ACOT7: variants seen among roughly 807,000 people sequenced by gnomAD.
ACOT7 encodes the protein cytosolic acyl coenzyme A thioester hydrolase.
In ACOT7, 12 loss-of-function variants were observed where a neutral mutation model predicts 40.2. The ratio of observed to expected loss-of-function variants is 0.30; its 90% confidence interval spans 0.19 to 0.48. The LOEUF (loss-of-function observed/expected upper bound fraction) is 0.48, where lower values mean the gene tolerates loss of function less well. ACOT7 is among the 20% of genes least tolerant of loss of function. The probability of loss-of-function intolerance (pLI) is 0.99; values close to 1 mark genes in which losing one functional copy is unlikely to be tolerated. For missense variants in ACOT7, 395 were observed against 530.8 expected, an observed-to-expected ratio of 0.74 and a Z score of 2.51; for synonymous variants, 228 against 219.5, an observed-to-expected ratio of 1.04 and a Z score of -0.34.
chr1:6,345,839 G>A (rs1401770896), intron 2 of ACOT7, among the ~76,000 whole-genome samples: 1 of 152,164 alleles, frequency 6.6e-6, no homozygotes, highest in African/African-American at 2.4e-5. Flanking sequence ...GGAGAGGAAG[G>A]GTGAGCCCCA....
chr1:6,373,481 C>A (rs1642171272), intron 1 of ACOT7, among the ~76,000 whole-genome samples: 1 of 152,016 alleles, frequency 6.6e-6, no homozygotes, highest in Non-Finnish European at 1.5e-5. Context: ...GAACTCCTGA[C>A]CTCAGGTGAT....
At chr1:6,323,108 C>A (rs1640692952) in intron 5 of ACOT7, among the ~76,000 whole-genome samples, 1 of 151,324 alleles carries the variant, frequency 6.6e-6, no homozygotes, top group South Asian at 2.1e-4. Flanking sequence ...CCAACCTGGG[C>A]AACAAGAGCA....
intron 8 of ACOT7, 120 bp from the exon 9 acceptor site, chr1:6,264,815 G>A (rs901176628): frequency 3.2e-5 from 33 of 1,030,480 alleles, no homozygotes; most frequent in Non-Finnish European, 4.3e-5. Flanking sequence ...CCTGGTGCAT[G>A]CTGAGTACCA....
In ACOT7 at chr1:6,393,459, G is replaced by A. The variant is rs997883961; in HGVS notation, c.-60C>T. On this transcript the variant is annotated 5_prime_UTR_variant, in exon 1 of 9. Coordinates refer to ENST00000361521, the MANE Select transcript of ACOT7 (RefSeq NM_007274.4). ...GTGAGGCGGGGCCTGCGCGCCGGGG[G>A]CAATCGAACGCGGCCTCCCCGCGCC... 32 of 1,024,392 alleles carry A rather than the reference G, an allele frequency of 3.1e-5. No individual in the cohort carries two copies. The East Asian group carries it at 7.7e-4, about 25-fold the overall frequency. 63.5% of individuals were successfully genotyped at this position (1,024,392 alleles called of 1,614,324 possible).
rs779053435 is a variant in ACOT7, at chr1:6,294,345, T to C, written c.829+519A>G. On this transcript the variant is annotated intron_variant, in intron 7 of 8. Transcript: ENST00000361521. The surrounding 1 kb of genome is among the most constrained non-coding windows in gnomAD (Gnocchi z 4.6). ...CATACCCCAGGGACAGCTGACACCATTTCCAGGCAGGGGCCAGGTGGCTGG... is the reference window on the plus strand; with the variant it reads ...CATACCCCAGGGACAGCTGACACCACTTCCAGGCAGGGGCCAGGTGGCTGG... 8.5e-5 allele frequency among the ~76,000 whole-genome samples: 13 copies of C among 152,326 alleles called. No homozygotes were observed. The highest frequency in any genetic ancestry group is 5.9e-5 in the Non-Finnish European group (4 of 68,030).
chr1:6,358,822 G>C lies in ACOT7; in HGVS notation c.144-8956C>G, dbSNP rs115700963. 8 of 1,613,838 alleles carry C rather than the reference G, an allele frequency of 5.0e-6. No homozygotes were observed. Among genetic ancestry groups the C allele is most frequent in the Non-Finnish European group, 5.9e-6 (7 of 1,179,740 alleles). On this transcript the variant is annotated intron_variant, in intron 1 of 8. Transcript: ENST00000361521. This position sits in a 1 kb window ranked among gnomAD's most constrained non-coding sequence, Gnocchi z 4.1. Reference sequence around the variant, plus strand: ...GGCCTAGACATGCCCATGACTGGCAGTACCTGCTCAGCTGGAAAGCCATGG... The same window carrying C: ...GGCCTAGACATGCCCATGACTGGCACTACCTGCTCAGCTGGAAAGCCATGG...
intron 2 of ACOT7, among the ~76,000 whole-genome samples, chr1:6,348,566 T>A (rs1157845464): frequency 1.3e-5 from 2 of 152,074 alleles, no homozygotes; most frequent in Non-Finnish European, 2.9e-5. Context: ...AGTGTCCTTA[T>A]AAAAGGGCCT....
In ACOT7 at chr1:6,282,723, C is replaced by T. The variant is rs1177526663; in HGVS notation, c.830-1437G>A. The T allele has an allele frequency of 7.7e-7, 1 of 1,303,954 alleles. No homozygotes were observed. The highest frequency in any genetic ancestry group is 1.0e-6 in the Non-Finnish European group (1 of 988,806). The allele number at this position is 1,303,954 out of a possible 1,614,324, so 80.8% of individuals were successfully genotyped here. A position where few individuals can be genotyped will look rare whatever the true frequency, so the allele number is the denominator to read the frequency against. On this transcript the variant is annotated intron_variant, in intron 7 of 8. Coordinates refer to ENST00000361521, the MANE Select transcript of ACOT7 (RefSeq NM_007274.4). This position sits in a 1 kb window ranked among gnomAD's most constrained non-coding sequence, Gnocchi z 4.5. Reference sequence around the variant, plus strand: ...CATGCTACATTCAACTTCATACTTACAGGGAGCACTTCGTGCCAGTGCTGG... The same window carrying T: ...CATGCTACATTCAACTTCATACTTATAGGGAGCACTTCGTGCCAGTGCTGG...
chr1:6,325,786 T>C (rs1640782507), intron 5 of ACOT7, among the ~76,000 whole-genome samples: 2 of 152,138 alleles, frequency 1.3e-5, no homozygotes, highest in South Asian at 4.1e-4. Flanking sequence ...CCCACTGGGT[T>C]TTCACCAGTC....
At chr1:6,285,822 C>A (rs1639486459) in intron 7 of ACOT7, among the ~76,000 whole-genome samples, 1 of 152,212 alleles carries the variant, frequency 6.6e-6, no homozygotes, top group African/African-American at 2.4e-5. Context: ...CCCACAAAGT[C>A]TGCCTTGATT....
rs1639379246 is a variant in ACOT7, at chr1:6,282,277, G to A, written c.830-991C>T. Reference sequence around the variant, plus strand: ...CAGGCATGAGACACCCTGCCTGGGGGATAGCTACGGGATGGAAGGACTCAA... The same window carrying A: ...CAGGCATGAGACACCCTGCCTGGGGAATAGCTACGGGATGGAAGGACTCAA... On this transcript the variant is annotated intron_variant, in intron 7 of 8. Transcript: ENST00000361521. The surrounding 1 kb of genome is among the most constrained non-coding windows in gnomAD (Gnocchi z 4.5). 6.6e-6 allele frequency among the ~76,000 whole-genome samples: 1 copy of A among 152,160 alleles called. No individual in the cohort carries two copies. Among genetic ancestry groups the A allele is most frequent in the African/African-American group, 2.4e-5 (1 of 41,452 alleles).
chr1:6,315,238 A>G (rs186364890), intron 6 of ACOT7, among the ~76,000 whole-genome samples: 3 of 152,364 alleles, frequency 2.0e-5, no homozygotes, highest in African/African-American at 2.4e-5. Flanking sequence ...TGCGCAGTCT[A>G]GAATTACAGA....
At chr1:6,386,560 G>C (rs995743568) in intron 1 of ACOT7, among the ~76,000 whole-genome samples, 1 of 152,120 alleles carries the variant, frequency 6.6e-6, no homozygotes, top group African/African-American at 2.4e-5. Flanking sequence ...AAAGCTCCTT[G>C]TGAAAAACCT....
rs546498251 is a variant in ACOT7, at chr1:6,380,373, G to A, written c.143+12884C>T. Among the ~76,000 whole-genome samples, 37 of 151,580 alleles carry A rather than the reference G, an allele frequency of 2.4e-4. 1 individual carries two copies. The highest frequency in any genetic ancestry group is 8.4e-4 in the South Asian group (4 of 4,786). ...CCAGCATGTTGGGAGGCTGAGGTGG[G>A]AGGATCACGAGGTCAGGAGTTCAAG... On this transcript the variant is annotated intron_variant, in intron 1 of 8. Coordinates refer to ENST00000361521, the MANE Select transcript of ACOT7 (RefSeq NM_007274.4).
In ACOT7 at chr1:6,354,106, G is replaced by A. The variant is rs114967191; in HGVS notation, c.144-4240C>T. Among the ~76,000 whole-genome samples, 365 of 152,274 alleles carry A rather than the reference G, an allele frequency of 2.4e-3. 2 individuals carry two copies. The highest frequency in any genetic ancestry group is 8.3e-3 in the African/African-American group (343 of 41,542). On this transcript the variant is annotated intron_variant, in intron 1 of 8. Coordinates refer to ENST00000361521, the MANE Select transcript of ACOT7 (RefSeq NM_007274.4). ...TTGTAGCATGAGTGGCAGGTGCTGGGGCCCAAGGCTAATGGACGCAGATGC... is the reference window on the plus strand; with the variant it reads ...TTGTAGCATGAGTGGCAGGTGCTGGAGCCCAAGGCTAATGGACGCAGATGC...
intron 7 of ACOT7, among the ~76,000 whole-genome samples, chr1:6,293,132 G>A (rs1461296044): frequency 1.3e-5 from 2 of 151,980 alleles, no homozygotes; most frequent in East Asian, 1.9e-4. Flanking sequence ...CTCATGATCC[G>A]CCCGCCTCGG....
intron 1 of ACOT7, among the ~76,000 whole-genome samples, chr1:6,389,249 C>A (rs1221058952): frequency 6.6e-6 from 1 of 152,116 alleles, no homozygotes; most frequent in Admixed American, 6.5e-5. Flanking sequence ...CCTGGTAGAT[C>A]TGCATCTAAG....
chr1:6,295,218 G>A (rs1450533640), intron 6 of ACOT7: 6 of 435,054 alleles, frequency 1.4e-5, no homozygotes, highest in Non-Finnish European at 2.5e-5. Flanking sequence ...TAACAAAACA[G>A]CCCTTTTCCT....
chr1:6,264,425 G>A lies in ACOT7; in HGVS notation c.*172C>T. 1 of 614,698 alleles carries A rather than the reference G, an allele frequency of 1.6e-6. No homozygotes were observed. Among genetic ancestry groups the A allele is most frequent in the South Asian group, 2.0e-5 (1 of 50,094 alleles). The allele number at this position is 614,698 out of a possible 1,614,324, so 38.1% of individuals were successfully genotyped here. A position where few individuals can be genotyped will look rare whatever the true frequency, so the allele number is the denominator to read the frequency against. ...ACTGGAATGATATAAATAAAGCTTT[G>A]GTGTGTAGGTTTGCAGGAGAGAGTA... is the stretch of plus-strand genomic sequence containing the variant. On this transcript the variant is annotated 3_prime_UTR_variant, in exon 9 of 9. Transcript: ENST00000361521.
Sources: gnomAD v4.1 joint callset for allele counts (sites outside exome capture counted in the v4.1 genomes callset) on GRCh38, gnomAD v4.1.1 for gene constraint, Gnocchi (gnomAD v3.1) non-coding constraint, MANE v1.5 for transcripts, NCBI Gene and HGNC (gene_info 2026-07-23, HGNC 2026-07-21) for gene names.